Variants in SUSD5 observed in about 807,000 individuals in gnomAD.
SUSD5 encodes sushi domain containing 5.
In SUSD5, 33 loss-of-function variants were observed where a neutral mutation model predicts 29.5. The observed-to-expected ratio is 1.12, with a 90% CI of 0.85 to 1.49. The LOEUF is 1.49. Ranked by LOEUF, SUSD5 falls within the 40% of genes most tolerant of loss-of-function variation. The pLI, the probability that SUSD5 is intolerant of heterozygous loss-of-function variation, is 0.00. For missense variants in SUSD5, 776 were observed against 800.6 expected, an observed-to-expected ratio of 0.97 and a Z score of 0.37; for synonymous variants, 308 against 325.3, an observed-to-expected ratio of 0.95 and a Z score of 0.57.
intron 1 of SUSD5, among the ~76,000 whole-genome samples, chr3:33,218,153 T>A (rs1437026793): frequency 2.0e-5 from 3 of 152,212 alleles, no homozygotes; most frequent in Non-Finnish European, 2.9e-5. Flanking sequence ...CCGTTTTTCC[T>A]GTCACTCAGA....
chr3:33,185,503 T>C (rs1267754608), intron 3 of SUSD5, among the ~76,000 whole-genome samples: 1 of 152,212 alleles, frequency 6.6e-6, no homozygotes, highest in African/African-American at 2.4e-5. Flanking sequence ...ACCCTGGCAC[T>C]GGTTTCTTCC....
chr3:33,164,969 A>AAC (rs34551240), intron 4 of SUSD5, among the ~76,000 whole-genome samples: 16,108 of 146,986 alleles, frequency 0.11, 932 homozygotes, highest in East Asian at 0.19. Context: ...ACTAAAGTTG[A>AAC]ACACACACAC....
intron 2 of SUSD5, among the ~76,000 whole-genome samples, chr3:33,210,866 A>C (rs2125633362): frequency 7.3e-6 from 1 of 137,800 alleles, no homozygotes; most frequent in Non-Finnish European, 1.7e-5. Flanking sequence ...TATTTTCTTT[A>C]TTTTCTTTCT....
intron 3 of SUSD5, among the ~76,000 whole-genome samples, chr3:33,205,272 C>A (rs1028192270): frequency 6.6e-6 from 1 of 152,144 alleles, no homozygotes; most frequent in African/African-American, 2.4e-5. Flanking sequence ...AGGATACAAT[C>A]CAGGATCACG....
chr3:33,172,180 AACACACACACACACACACACACACAC>A (rs10576154), intron 4 of SUSD5, among the ~76,000 whole-genome samples: 4 of 148,450 alleles, frequency 2.7e-5, no homozygotes. Flanking sequence ...ACTCTTGTAA[AACACACACACACACACACACACACAC>A]ACACACACAC....
intron 3 of SUSD5, 87 bp from the exon 4 acceptor site, chr3:33,175,161 C>T: frequency 7.1e-7 from 1 of 1,400,956 alleles, no homozygotes; most frequent in South Asian, 1.3e-5. Context: ...CACAACTCTC[C>T]CCTGCCGCCC....
At chr3:33,218,438 G>A (rs1429457004) in intron 1 of SUSD5, among the ~76,000 whole-genome samples, 1 of 152,230 alleles carries the variant, frequency 6.6e-6, no homozygotes, top group Non-Finnish European at 1.5e-5. Context: ...CGGCGGGACT[G>A]CGGGACCTAC....
intron 3 of SUSD5, among the ~76,000 whole-genome samples, chr3:33,175,618 T>C (rs55894734): frequency 6.6e-6 from 1 of 151,894 alleles, no homozygotes; most frequent in African/African-American, 2.4e-5. Context: ...TACAAATACA[T>C]ACATATTTCT....
intron 3 of SUSD5, among the ~76,000 whole-genome samples, chr3:33,201,996 C>T (rs1161155512): frequency 6.6e-6 from 1 of 152,018 alleles, no homozygotes. Flanking sequence ...TCGTGATACA[C>T]CGTTAACTCC....
intron 4 of SUSD5, among the ~76,000 whole-genome samples, chr3:33,165,374 G>A (rs2031283012): frequency 6.6e-6 from 1 of 152,138 alleles, no homozygotes; most frequent in African/African-American, 2.4e-5. Context: ...GGACTGAAAG[G>A]GAGCACCAGG....
Position 33,152,569 on chromosome 3 carries a change from G to A in SUSD5, c.*173C>T. On this transcript the variant is annotated 3_prime_UTR_variant, in exon 5 of 5. Transcript: ENST00000309558. ...TGACATGAGTGATGATGTCACCAAA[G>A]CCTCCCTGCCCTCCCAGGTGCTCCA... 1 of 667,232 alleles carries A rather than the reference G, an allele frequency of 1.5e-6. No homozygotes were observed. Among genetic ancestry groups the A allele is most frequent in the Non-Finnish European group, 2.5e-6 (1 of 398,792 alleles). The allele number at this position is 667,232 out of a possible 1,614,324, so 41.3% of individuals were successfully genotyped here. A position where few individuals can be genotyped will look rare whatever the true frequency, so the allele number is the denominator to read the frequency against.
chr3:33,153,994 G>T lies in SUSD5; in HGVS notation c.638C>A (p.Pro213His), dbSNP rs202165042. 96 of 1,604,668 alleles carry T rather than the reference G, an allele frequency of 6.0e-5. No homozygotes were observed. The highest frequency in any genetic ancestry group is 5.2e-5 in the Admixed American group (3 of 57,148). The change falls in exon 5 of 5, where the codon CCT (proline) becomes CAT (histidine). Residue 213 changes from proline (P) to histidine (H), a missense_variant. By Grantham distance (77) the Pro-to-His change is moderately conservative. Coordinates refer to ENST00000309558, the MANE Select transcript of SUSD5 (RefSeq NM_015551.2). ...TCTGAATGACACAGATCTGTCATCA[G>T]GGAAGTTATCTTCATAGTCAATGTG... ...EAHIDYEDNF[P>H]DDRSVSFREL...
rs12106857 is a variant in SUSD5 at position 33,179,197 on chromosome 3, T to C, written c.410-4123A>G. Among the ~76,000 whole-genome samples, 872 of 152,352 alleles carry C rather than the reference T, an allele frequency of 5.7e-3. 9 individuals carry two copies. Among genetic ancestry groups the C allele is most frequent in the African/African-American group, 0.02 (823 of 41,572 alleles). On this transcript the variant is annotated intron_variant, in intron 3 of 4. Coordinates refer to ENST00000309558, the MANE Select transcript of SUSD5 (RefSeq NM_015551.2). ...ATGTAGGTTATCAAATTTGTAGGCA[T>C]AGAGTTGTTCATAATATTCCTTTAT...
At chr3:33,171,068 G>A (rs1267261944) in intron 4 of SUSD5, among the ~76,000 whole-genome samples, 1 of 152,230 alleles carries the variant, frequency 6.6e-6, no homozygotes, top group East Asian at 1.9e-4. Flanking sequence ...TGGGCCGGGT[G>A]CAGTGGCTCA....
intron 3 of SUSD5, among the ~76,000 whole-genome samples, chr3:33,187,792 A>G (rs1256433154): frequency 1.3e-5 from 2 of 148,226 alleles, no homozygotes; most frequent in African/African-American, 5.0e-5. Context: ...TCCTAATGCT[A>G]TCCTTCCCCC....
chr3:33,157,819 C>T (rs1253703168), intron 4 of SUSD5, among the ~76,000 whole-genome samples: 5 of 152,198 alleles, frequency 3.3e-5, no homozygotes, highest in Non-Finnish European at 4.4e-5. Context: ...CTGAGGCCAC[C>T]GTAGATTAGC....
intron 4 of SUSD5, among the ~76,000 whole-genome samples, chr3:33,156,959 A>G (rs1167145614): frequency 6.6e-6 from 1 of 152,252 alleles, no homozygotes; most frequent in East Asian, 1.9e-4. Context: ...TGCGTGTTTT[A>G]TGCTTAGAAA....
In SUSD5 at chr3:33,162,174, G is replaced by T. The variant is rs2125615736; in HGVS notation, c.599-8141C>A. Among the ~76,000 whole-genome samples the T allele has an allele frequency of 1.3e-5, 2 of 152,224 alleles. 1 individual carries two copies. Among genetic ancestry groups the T allele is most frequent in the South Asian group, 4.1e-4 (2 of 4,828 alleles). Reference sequence around the variant, plus strand: ...TTACTTAAAAATTCCCCTATGTATAGAAATTAAACAAAACATGTCTAAATA... The same window carrying T: ...TTACTTAAAAATTCCCCTATGTATATAAATTAAACAAAACATGTCTAAATA... On this transcript the variant is annotated intron_variant, in intron 4 of 4. Transcript: ENST00000309558.
intron 1 of SUSD5, among the ~76,000 whole-genome samples, chr3:33,216,500 G>T (rs1297388409): frequency 3.9e-5 from 6 of 152,068 alleles, no homozygotes. Context: ...ACTTGGCAAA[G>T]ATATTATAAA....
Sources: gnomAD v4.1 joint callset for allele counts (sites outside exome capture counted in the v4.1 genomes callset) on GRCh38, gnomAD v4.1.1 for gene constraint, MANE v1.5 for transcripts, NCBI Gene and HGNC (gene_info 2026-07-23, HGNC 2026-07-21) for gene names.